INPP4B: variants seen among roughly 807,000 people sequenced by gnomAD.
INPP4B encodes inositol polyphosphate 4-phosphatase type II.
In INPP4B, 55 loss-of-function variants were observed where a neutral mutation model predicts 122.5. That is an observed-to-expected ratio of 0.45 (90% CI 0.36 to 0.56). INPP4B has a LOEUF of 0.56. Among genes scored for constraint, INPP4B ranks in the 20% least tolerant of loss-of-function variants. The pLI, the probability that INPP4B is intolerant of heterozygous loss-of-function variation, is 0.00. For synonymous variants in INPP4B, 403 were observed against 388.7 expected (o/e 1.04, Z -0.43); for missense variants, 1,000 against 1,097.7 (o/e 0.91, Z 1.26).
chr4:142,318,128 T>G (rs191555041), intron 7 of INPP4B, among the ~76,000 whole-genome samples: 1 of 152,230 alleles, frequency 6.6e-6, no homozygotes. Context: ...ATGGGGACAA[T>G]AGACCCTACA....
intron 2 of INPP4B, among the ~76,000 whole-genome samples, chr4:142,636,509 A>G (rs1405397064): frequency 6.6e-6 from 1 of 152,122 alleles, no homozygotes; most frequent in African/African-American, 2.4e-5. Flanking sequence ...AGGGTAGCCA[A>G]ATTATTGTTA....
intron 2 of INPP4B, among the ~76,000 whole-genome samples, chr4:142,699,553 G>C (rs772609706): frequency 6.6e-6 from 1 of 152,062 alleles, no homozygotes; most frequent in Non-Finnish European, 1.5e-5. Flanking sequence ...GGCCAGCGTT[G>C]CTTTATATCC....
intron 9 of INPP4B, among the ~76,000 whole-genome samples, chr4:142,300,954 G>T (rs562294271): frequency 6.6e-6 from 1 of 152,192 alleles, no homozygotes; most frequent in East Asian, 1.9e-4. Context: ...TTAATTGGTG[G>T]GGTGGGGGTG....
intron 9 of INPP4B, among the ~76,000 whole-genome samples, chr4:142,303,714 T>C (rs1762347742): frequency 6.6e-6 from 1 of 152,114 alleles, no homozygotes; most frequent in East Asian, 1.9e-4. Flanking sequence ...ACATTATTTT[T>C]TCTAGAAAAG....
At chr4:142,117,868 T>C (rs1303956436) in intron 21 of INPP4B, among the ~76,000 whole-genome samples, 4 of 152,204 alleles carry the variant, frequency 2.6e-5, no homozygotes, top group Non-Finnish European at 4.4e-5. Context: ...TGTTTGCAGA[T>C]GACATGATTG....
chr4:142,603,508 T>A, intron 2 of INPP4B, among the ~76,000 whole-genome samples: 1 of 145,528 alleles, frequency 6.9e-6, no homozygotes, highest in East Asian at 2.1e-4. Flanking sequence ...ACAAAAAAAA[T>A]CAGAAATTAA....
At chr4:142,591,162 G>A (rs974589175) in intron 2 of INPP4B, among the ~76,000 whole-genome samples, 2 of 151,988 alleles carry the variant, frequency 1.3e-5, no homozygotes, top group African/African-American at 4.8e-5. Flanking sequence ...GGCCAGGTGT[G>A]GTGGCACACA....
At chr4:142,499,245 T>G (rs111365544) in intron 2 of INPP4B, among the ~76,000 whole-genome samples, 1,769 of 152,258 alleles carry the variant, frequency 0.012, 31 homozygotes, top group African/African-American at 0.04. Flanking sequence ...GAACTGCTCT[T>G]GTTGTTCATT....
intron 3 of INPP4B, among the ~76,000 whole-genome samples, chr4:142,454,996 TG>T (rs1815085392): frequency 6.6e-6 from 1 of 152,024 alleles, no homozygotes; most frequent in African/African-American, 2.4e-5. Flanking sequence ...TTTCCTCCTT[TG>T]TTTTCTCATG....
chr4:142,524,765 A>C (rs1580282644), intron 2 of INPP4B, among the ~76,000 whole-genome samples: 1 of 151,928 alleles, frequency 6.6e-6, no homozygotes, highest in African/African-American at 2.4e-5. Context: ...TCTATGACAA[A>C]CCCACAGCCA....
chr4:142,096,859 T>C (rs1312960869), intron 23 of INPP4B, among the ~76,000 whole-genome samples: 2 of 152,184 alleles, frequency 1.3e-5, no homozygotes, highest in African/African-American at 2.4e-5. Context: ...AGCAGCAGCA[T>C]ATAAATTAAA....
intron 14 of INPP4B, among the ~76,000 whole-genome samples, chr4:142,200,726 C>T (rs1840282756): frequency 6.6e-6 from 1 of 151,932 alleles, no homozygotes; most frequent in Non-Finnish European, 1.5e-5. Flanking sequence ...AATAAGCACA[C>T]TTATGTGTTC....
intron 2 of INPP4B, among the ~76,000 whole-genome samples, chr4:142,550,122 T>TGC (rs1560788070): frequency 6.6e-6 from 1 of 152,126 alleles, no homozygotes; most frequent in Admixed American, 6.6e-5. Flanking sequence ...ACAAGGATAT[T>TGC]GCCTCTGATT....
chr4:142,816,466 T>A (rs1780127508), intron 1 of INPP4B, among the ~76,000 whole-genome samples: 1 of 152,082 alleles, frequency 6.6e-6, no homozygotes, highest in South Asian at 2.1e-4. Flanking sequence ...AGTTAAGAGT[T>A]AGTAACGATC....
At chr4:142,479,129 C>T (rs1347323992) in intron 2 of INPP4B, among the ~76,000 whole-genome samples, 2 of 152,016 alleles carry the variant, frequency 1.3e-5, no homozygotes, top group Non-Finnish European at 2.9e-5. Context: ...AAGCTAGAAA[C>T]AAACTCATTA....
At chr4:142,305,702 C>T (rs1763093256) in intron 8 of INPP4B, 165 bp from the exon 9 acceptor site, 1 of 1,449,256 alleles carries the variant, frequency 6.9e-7, no homozygotes, top group Non-Finnish European at 9.1e-7. Flanking sequence ...ATATCTACCT[C>T]ATGGGGTAGG....
At chr4:142,662,717 C>G (rs1486597598) in intron 2 of INPP4B, among the ~76,000 whole-genome samples, 1 of 152,068 alleles carries the variant, frequency 6.6e-6, no homozygotes, top group Non-Finnish European at 1.5e-5. Flanking sequence ...AAAAACTGCC[C>G]ACTAATCAGA....
intron 25 of INPP4B, among the ~76,000 whole-genome samples, chr4:142,059,530 A>G (rs1029847600): frequency 4.6e-5 from 7 of 152,302 alleles, no homozygotes; most frequent in African/African-American, 1.2e-4. Flanking sequence ...TGCATCTTCA[A>G]TGCAAAGCAC....
rs189325288 is a variant in INPP4B at position 142,326,270 on chromosome 4, G to A, written c.373-11508C>T. On this transcript the variant is annotated intron_variant, in intron 7 of 25. Coordinates refer to ENST00000262992, the MANE Select transcript of INPP4B (RefSeq NM_001101669.3). ...ACCTCTAAAAAGCTGTACAAAGTAG[G>A]ACAGACAACAGTTTTCCTTTAAGTG... is the stretch of plus-strand genomic sequence containing the variant. 1.1e-4 allele frequency among the ~76,000 whole-genome samples: 16 copies of A among 152,248 alleles called. No individual in the cohort carries two copies. The East Asian group carries it at 2.7e-3, about 26-fold the overall frequency.
Sources: allele counts gnomAD v4.1 joint callset (sites outside exome capture counted in the v4.1 genomes callset), GRCh38; gene constraint gnomAD v4.1.1; transcripts MANE v1.5; gene names NCBI Gene and HGNC (gene_info 2026-07-23, HGNC 2026-07-21).